Variants in TTC28 observed in about 807,000 individuals in gnomAD.
TTC28 encodes the protein tetratricopeptide repeat protein 28.
TTC28 carries 61 observed loss-of-function variants against 198.0 expected under a neutral mutation model. The observed-to-expected ratio is 0.31, with a 90% CI of 0.25 to 0.38. TTC28 has a LOEUF of 0.38. TTC28 is among the 10% of genes least tolerant of loss of function. TTC28 has a pLI of 1.00. For missense variants in TTC28, 2,678 were observed against 3,164.0 expected, an observed-to-expected ratio of 0.85 and a Z score of 3.69; for synonymous variants, 1,171 against 1,297.8, an observed-to-expected ratio of 0.90 and a Z score of 2.10.
intron 6 of TTC28, among the ~76,000 whole-genome samples, chr22:28,135,810 G>A (rs190133823): frequency 6.2e-4 from 94 of 152,170 alleles, no homozygotes; most frequent in African/African-American, 2.2e-3. Context: ...TATTATATTA[G>A]GGTCATTTCA....
chr22:28,453,924 T>A lies in TTC28; in HGVS notation c.382-147281A>T, dbSNP rs138937996. On this transcript the variant is annotated intron_variant, in intron 2 of 22. Coordinates refer to ENST00000397906, the MANE Select transcript of TTC28 (RefSeq NM_001145418.2). ...TTAACATGGCCTACAAGGTCATACA[T>A]GATCTAGCCTCTACTTTTCACCCTC... Among the ~76,000 whole-genome samples the A allele has an allele frequency of 2.8e-4, 43 of 152,350 alleles. No homozygotes were observed. The East Asian group carries it at 6.6e-3, about 23-fold the overall frequency.
chr22:28,587,847 A>T (rs977817916), intron 2 of TTC28, among the ~76,000 whole-genome samples: 2 of 152,126 alleles, frequency 1.3e-5, no homozygotes, highest in Non-Finnish European at 2.9e-5. Context: ...TTATAAAAAC[A>T]TGCTGTTATT....
intron 5 of TTC28, among the ~76,000 whole-genome samples, chr22:28,282,692 G>T (rs1024103887): frequency 4.7e-4 from 71 of 152,136 alleles, no homozygotes; most frequent in African/African-American, 1.5e-3. Context: ...GCCTCTAGCG[G>T]CAAAACCAGG....
At chr22:28,020,277 A>G (rs1938538395) in intron 13 of TTC28, among the ~76,000 whole-genome samples, 1 of 152,242 alleles carries the variant, frequency 6.6e-6, no homozygotes, top group South Asian at 2.1e-4. Context: ...CTGACAGCCT[A>G]GCTCTCAGCA....
intron 6 of TTC28, among the ~76,000 whole-genome samples, chr22:28,146,235 C>T (rs1943466438): frequency 6.6e-6 from 1 of 152,172 alleles, no homozygotes; most frequent in African/African-American, 2.4e-5. Flanking sequence ...CCAGTAGTTT[C>T]TCTGCTACAA....
chr22:28,428,125 CAAAAAA>C (rs374249842), intron 2 of TTC28, among the ~76,000 whole-genome samples: 3 of 99,914 alleles, frequency 3.0e-5, no homozygotes, highest in African/African-American at 1.1e-4. Context: ...TACCGTAAGA[CAAAAAA>C]AAAAAAAAGA....
intron 2 of TTC28, among the ~76,000 whole-genome samples, chr22:28,586,329 T>C (rs1220099895): frequency 6.6e-6 from 1 of 151,636 alleles, no homozygotes; most frequent in Non-Finnish European, 1.5e-5. Context: ...TTTAACTGTG[T>C]TTTAGTTACA....
chr22:28,391,336 C>G (rs537142487), intron 2 of TTC28, among the ~76,000 whole-genome samples: 4 of 152,078 alleles, frequency 2.6e-5, no homozygotes, highest in Non-Finnish European at 4.4e-5. Context: ...TTGCTCTTCT[C>G]GAGGAGTATC....
intron 2 of TTC28, among the ~76,000 whole-genome samples, chr22:28,363,935 G>A (rs1237454202): frequency 6.6e-6 from 1 of 152,156 alleles, no homozygotes; most frequent in East Asian, 1.9e-4. Context: ...AGGCTCGTCG[G>A]TGGAAGGGAC....
chr22:28,448,670 C>T (rs2047735466), intron 2 of TTC28, among the ~76,000 whole-genome samples: 1 of 152,164 alleles, frequency 6.6e-6, no homozygotes, highest in African/African-American at 2.4e-5. Flanking sequence ...CCGAGAATCT[C>T]AAGGCCTCAC....
intron 5 of TTC28, among the ~76,000 whole-genome samples, chr22:28,225,279 C>T (rs1928210401): frequency 6.6e-6 from 1 of 151,294 alleles, no homozygotes; most frequent in Non-Finnish European, 1.5e-5. Flanking sequence ...TGCTTGAACC[C>T]GAAAGGCGGA....
At chr22:28,038,269 T>C (rs1209189356) in intron 12 of TTC28, among the ~76,000 whole-genome samples, 3 of 152,118 alleles carry the variant, frequency 2.0e-5, no homozygotes, top group Non-Finnish European at 4.4e-5. Context: ...CTTCAAACTA[T>C]ACTACAAGGC....
chr22:28,430,053 T>TC (rs1247429105), intron 2 of TTC28, among the ~76,000 whole-genome samples: 1 of 150,918 alleles, frequency 6.6e-6, no homozygotes, highest in East Asian at 1.9e-4. Flanking sequence ...TTTTTTTTTT[T>TC]TTTTTTTAGT....
intron 5 of TTC28, among the ~76,000 whole-genome samples, chr22:28,187,423 A>G (rs1924301255): frequency 6.6e-6 from 1 of 152,222 alleles, no homozygotes; most frequent in Non-Finnish European, 1.5e-5. Flanking sequence ...AATTTTTGGT[A>G]TAACAAAATT....
At chr22:28,061,025 G>T (rs1424156935) in intron 12 of TTC28, among the ~76,000 whole-genome samples, 2 of 152,178 alleles carry the variant, frequency 1.3e-5, no homozygotes, top group African/African-American at 4.8e-5. Flanking sequence ...CTTCCTTTGA[G>T]AAGTGTCTGT....
chr22:28,506,533 G>A (rs576052720), intron 2 of TTC28, among the ~76,000 whole-genome samples: 170 of 152,288 alleles, frequency 1.1e-3, no homozygotes, highest in African/African-American at 3.8e-3. Flanking sequence ...TCCCCCGAAT[G>A]CAGCACACCT....
chr22:28,573,578 G>A (rs1450731556), intron 2 of TTC28, among the ~76,000 whole-genome samples: 1 of 151,874 alleles, frequency 6.6e-6, no homozygotes, highest in East Asian at 1.9e-4. Flanking sequence ...GTACATAGTA[G>A]GTATATATAT....
intron 2 of TTC28, among the ~76,000 whole-genome samples, chr22:28,468,690 A>ATTTTTT (rs35984422): frequency 8.2e-5 from 10 of 122,310 alleles, no homozygotes; most frequent in East Asian, 2.5e-4. Flanking sequence ...CGCCCGGCTA[A>ATTTTTT]TTTTTTTTTT....
intron 12 of TTC28, among the ~76,000 whole-genome samples, chr22:28,080,339 G>A (rs577109403): frequency 6.6e-6 from 1 of 152,166 alleles, no homozygotes; most frequent in East Asian, 1.9e-4. Context: ...CCACATCCTG[G>A]CCAACACTGG....
Sources: allele counts gnomAD v4.1 joint callset (sites outside exome capture counted in the v4.1 genomes callset), GRCh38; gene constraint gnomAD v4.1.1; transcripts MANE v1.5; gene names NCBI Gene and HGNC (gene_info 2026-07-23, HGNC 2026-07-21).